DYNC2I1: variants seen among roughly 807,000 people sequenced by gnomAD.
The protein encoded by DYNC2I1 is dynein 2 intermediate chain 1, also known as cytoplasmic dynein 2 intermediate chain 1.
A neutral mutation model predicts 133.4 loss-of-function variants in DYNC2I1; 89 were observed. The ratio of observed to expected loss-of-function variants is 0.67; its 90% CI spans 0.56 to 0.80. The LOEUF (loss-of-function observed/expected upper bound fraction) is 0.80, where lower values mean the gene tolerates loss of function less well. Ranked by LOEUF, DYNC2I1 falls within the 30% of genes least tolerant of loss-of-function variation. The pLI, the probability that DYNC2I1 is intolerant of heterozygous loss-of-function variation, is 0.00. For missense variants in DYNC2I1, 1,291 were observed against 1,314.5 expected (o/e 0.98, Z 0.28); for synonymous variants, 504 against 484.3 (o/e 1.04, Z -0.54).
chr7:158,866,267 C>G lies in DYNC2I1; in HGVS notation c.16-3588C>G, dbSNP rs565942570. Among the ~76,000 whole-genome samples the G allele has an allele frequency of 3.9e-5, 6 of 152,120 alleles. No individual in the cohort carries two copies. In the South Asian group the frequency reaches 1.2e-3, roughly 32 times the overall value. On this transcript the variant is annotated intron_variant, in intron 1 of 24. Coordinates refer to ENST00000407559, the MANE Select transcript of DYNC2I1 (RefSeq NM_018051.5). ...CTGTCCCCTAATGTTCTAGGTGTCC[C>G]CTCTCTGTGGTGCCCATGTCTCCTG...
chr7:158,925,912 T>C (rs1250845661), intron 17 of DYNC2I1, among the ~76,000 whole-genome samples: 3 of 152,208 alleles, frequency 2.0e-5, no homozygotes, highest in Non-Finnish European at 2.9e-5. Context: ...CATGCTCTGT[T>C]TGGATGGTGG....
intron 1 of DYNC2I1, among the ~76,000 whole-genome samples, chr7:158,857,065 G>A (rs1487565587): frequency 2.6e-5 from 4 of 152,144 alleles, no homozygotes; most frequent in Non-Finnish European, 5.9e-5. Context: ...CTGCTGCGGG[G>A]CCGGGGTGGC....
intron 21 of DYNC2I1, among the ~76,000 whole-genome samples, chr7:158,930,742 T>TG (rs1850140854): frequency 6.6e-6 from 1 of 152,264 alleles, no homozygotes; most frequent in East Asian, 1.9e-4. Flanking sequence ...AATCTTGGCT[T>TG]GCTGCAAACT....
At position 158,871,499 on chromosome 7, in the gene DYNC2I1, C is replaced by A; in HGVS notation, c.427C>A (p.Leu143Met). The change falls in exon 3 of 25, where the codon CTG becomes ATG. Residue 143 changes from leucine to methionine, a missense_variant. Coordinates refer to ENST00000407559, the MANE Select transcript of DYNC2I1 (RefSeq NM_018051.5). ...ELRQTVAHHN[L>M]LGQETRDRQL... Reference sequence around the variant, plus strand: ...CCGGCAGACCGTGGCCCACCACAACCTGCTGGGCCAGGAGACACGCGACCG... The same window carrying A: ...CCGGCAGACCGTGGCCCACCACAACATGCTGGGCCAGGAGACACGCGACCG... 6.5e-7 allele frequency: 1 copy of A among 1,547,556 alleles called. No homozygotes were observed. The highest frequency in any genetic ancestry group is 8.7e-7 in the Non-Finnish European group (1 of 1,146,860).
intron 8 of DYNC2I1, among the ~76,000 whole-genome samples, chr7:158,899,654 A>G (rs1284490935): frequency 6.6e-6 from 1 of 152,158 alleles, no homozygotes; most frequent in African/African-American, 2.4e-5. Flanking sequence ...GGTCTTTCCC[A>G]TGCTATTCTC....
In DYNC2I1 at chr7:158,876,659, G is replaced by A. The variant is rs1843386020; in HGVS notation, c.541G>A (p.Glu181Lys). 2 of 1,580,012 alleles carry A rather than the reference G, an allele frequency of 1.3e-6. No individual in the cohort carries two copies. The highest frequency in any genetic ancestry group is 1.7e-6 in the Non-Finnish European group (2 of 1,169,896). The change falls in exon 4 of 25, where the codon GAA (glutamate) becomes AAA (lysine). Residue 181 changes from glutamate to lysine, a missense_variant. By Grantham distance (56) the Glu-to-Lys change is moderately conservative. Transcript: ENST00000407559. ...AGATGAAGACTCTGAAAGAGGAGATGAAGATAGAGAAAGAAGATACCGAGA... is the reference window on the plus strand; with the variant it reads ...AGATGAAGACTCTGAAAGAGGAGATAAAGATAGAGAAAGAAGATACCGAGA... ...EKDEDSERGD[E>K]DRERRYRERK...
intron 1 of DYNC2I1, among the ~76,000 whole-genome samples, chr7:158,860,472 C>G (rs1034786655): frequency 6.6e-6 from 1 of 152,176 alleles, no homozygotes; most frequent in Admixed American, 6.6e-5. Context: ...TTTATTTGTA[C>G]TGAGATCATA....
At chr7:158,907,563 TCCTTTC>T (rs369465854) in intron 11 of DYNC2I1, among the ~76,000 whole-genome samples, 2 of 151,854 alleles carry the variant, frequency 1.3e-5, no homozygotes, top group Middle Eastern at 3.2e-3. Context: ...CTTTCCCTTT[TCCTTTC>T]CCTTTCCCTT....
chr7:158,902,416 A>T lies in DYNC2I1; in HGVS notation c.1178A>T (p.Asp393Val). Reference sequence around the variant, plus strand: ...TTTGAGGTTTGTGATGGTGATGATGATGAAAGCAGTAATGAACCTGAGTCA... The same window carrying T: ...TTTGAGGTTTGTGATGGTGATGATGTTGAAAGCAGTAATGAACCTGAGTCA... Reference protein sequence around the residue: ...DDFEVCDGDDDESSNEPESRE... With the variant: ...DDFEVCDGDDVESSNEPESRE... Residue 393 changes from aspartate to valine, a missense_variant, in exon 10 of 25, where the codon GAT becomes GTT. Asp to Val is a radical substitution (Grantham distance 152, BLOSUM62 -3). Transcript: ENST00000407559. The T allele has an allele frequency of 6.2e-7, 1 of 1,613,766 alleles. No individual in the cohort carries two copies. The highest frequency in any genetic ancestry group is 1.1e-5 in the South Asian group (1 of 91,068).
intron 1 of DYNC2I1, among the ~76,000 whole-genome samples, chr7:158,859,024 C>G (rs1432119127): frequency 7.9e-6 from 1 of 126,078 alleles, no homozygotes; most frequent in Admixed American, 8.6e-5. Flanking sequence ...TCTTCAGAGT[C>G]TTGCTCTTTC....
chr7:158,875,836 G>A (rs1843306608), intron 3 of DYNC2I1, among the ~76,000 whole-genome samples: 1 of 152,178 alleles, frequency 6.6e-6, no homozygotes, highest in Non-Finnish European at 1.5e-5. Flanking sequence ...AGTGTTGGCC[G>A]ACTGGGCTGG....
At chr7:158,930,227 A>G (rs1227734514) in intron 20 of DYNC2I1, among the ~76,000 whole-genome samples, 3 of 152,138 alleles carry the variant, frequency 2.0e-5, no homozygotes, top group Non-Finnish European at 2.9e-5. Flanking sequence ...TGGTTCTACA[A>G]TCTTTCTTCC....
intron 21 of DYNC2I1, among the ~76,000 whole-genome samples, chr7:158,931,365 A>G (rs1426467317): frequency 2.6e-5 from 4 of 152,222 alleles, no homozygotes; most frequent in Non-Finnish European, 5.9e-5. Context: ...TAATGAATTC[A>G]TGCATGCTTG....
chr7:158,927,130 G>A (rs112258600), intron 20 of DYNC2I1, 87 bp downstream of exon 20: 1 of 914,544 alleles, frequency 1.1e-6, no homozygotes. Context: ...AGGTGCAGTG[G>A]CTCACACCTG....
At position 158,945,536 on chromosome 7, in the gene DYNC2I1, C is replaced by G. The variant is rs767751399; in HGVS notation, c.3003-45C>G. 6.4e-7 allele frequency: 1 copy of G among 1,551,928 alleles called. No homozygotes were observed. Among genetic ancestry groups the G allele is most frequent in the Non-Finnish European group, 8.7e-7 (1 of 1,147,272 alleles). On this transcript the variant is annotated intron_variant, in intron 24 of 24. Coordinates refer to ENST00000407559, the MANE Select transcript of DYNC2I1 (RefSeq NM_018051.5). The surrounding 1 kb of genome is among the most constrained non-coding windows in gnomAD (Gnocchi z 4.1). ...TGAAGACTCAGACAGAACCGAATGT[C>G]CCTTTGTGTGCACTGACCCTCTGCT...
chr7:158,926,541 G>T, intron 19 of DYNC2I1, 78 bp downstream of exon 19: 1 of 1,483,336 alleles, frequency 6.7e-7, no homozygotes, highest in South Asian at 1.2e-5. Flanking sequence ...GAATGGCGCA[G>T]GGGGCGGGAC....
In DYNC2I1 at chr7:158,911,654, A is replaced by G. The variant is rs1847491374; in HGVS notation, c.1565A>G (p.Asn522Ser). ...AATGAATATGACATGTATATCAGAA[A>G]CTTTGGGAAAAAAAATACCAAGCAG... ...PVNEYDMYIRNFGKKNTKQAY... is the reference protein window; with the variant it reads ...PVNEYDMYIRSFGKKNTKQAY... The change falls in exon 12 of 25, where the codon AAC (asparagine) becomes AGC (serine). Residue 522 changes from asparagine to serine, a missense_variant. Asn to Ser is a conservative substitution (Grantham distance 46). Transcript: ENST00000407559. 6.2e-7 allele frequency: 1 copy of G among 1,609,514 alleles called. No individual in the cohort carries two copies. The highest frequency in any genetic ancestry group is 1.3e-5 in the African/African-American group (1 of 74,662).
At chr7:158,869,820 T>C (rs200851215) in intron 1 of DYNC2I1, 35 bp from the exon 2 acceptor site, 12 of 1,538,154 alleles carry the variant, frequency 7.8e-6, no homozygotes, top group South Asian at 1.2e-5. Flanking sequence ...AAATAAATTA[T>C]TTTAAACATT....
chr7:158,925,322 T>G (rs530053016), intron 17 of DYNC2I1, among the ~76,000 whole-genome samples: 1 of 152,344 alleles, frequency 6.6e-6, no homozygotes, highest in Admixed American at 6.5e-5. Flanking sequence ...TTTCATTTCT[T>G]GCTTTTTTGG....
Sources: allele counts gnomAD v4.1 joint callset (sites outside exome capture counted in the v4.1 genomes callset), GRCh38; gene constraint gnomAD v4.1.1; non-coding constraint Gnocchi (gnomAD v3.1); transcripts MANE v1.5; gene names NCBI Gene and HGNC (gene_info 2026-07-23, HGNC 2026-07-21).